ATP2C2: variants seen among roughly 807,000 people sequenced by gnomAD.
ATP2C2 encodes the protein calcium-transporting ATPase type 2C member 2.
A neutral mutation model predicts 110.8 loss-of-function variants in ATP2C2; 171 were observed. The observed-to-expected ratio is 1.54, with a 90% CI of 1.36 to 1.75. ATP2C2 has a LOEUF of 1.75. Ranked by LOEUF, ATP2C2 falls within the 40% of genes most tolerant of loss-of-function variation. ATP2C2 has a pLI of 0.00. For synonymous variants in ATP2C2, 804 were observed against 508.4 expected (o/e 1.58, Z -7.82); for missense variants, 1,963 against 1,235.0 (o/e 1.59, Z -8.84).
chr16:84,451,600 G>C (rs576815677), intron 17 of ATP2C2, among the ~76,000 whole-genome samples: 9 of 152,328 alleles, frequency 5.9e-5, no homozygotes, highest in Admixed American at 5.9e-4. Flanking sequence ...CACTTGGGGA[G>C]GCTGAGGTGG....
chr16:84,435,932 C>T (rs1392714831), intron 11 of ATP2C2, among the ~76,000 whole-genome samples: 3 of 152,204 alleles, frequency 2.0e-5, no homozygotes, highest in Non-Finnish European at 4.4e-5. Flanking sequence ...AGTTCAAGAC[C>T]AGCCTGGCCA....
chr16:84,455,117 CGTCA>C, intron 21 of ATP2C2, 133 bp downstream of exon 21: 1 of 1,212,184 alleles, frequency 8.2e-7, no homozygotes. Flanking sequence ...TCTCGGGGCT[CGTCA>C]GTGTGGCAGG....
At chr16:84,450,729 G>A (rs1382647163) in intron 17 of ATP2C2, among the ~76,000 whole-genome samples, 1 of 152,090 alleles carries the variant, frequency 6.6e-6, no homozygotes, top group Non-Finnish European at 1.5e-5. Context: ...GGCAGGAGCT[G>A]GGCCTGGCTT....
chr16:84,401,827 C>A (rs148719251), intron 2 of ATP2C2, among the ~76,000 whole-genome samples: 1 of 152,064 alleles, frequency 6.6e-6, no homozygotes, highest in Admixed American at 6.5e-5. Context: ...TTTTGTGGTT[C>A]CATATAAATT....
intron 1 of ATP2C2, among the ~76,000 whole-genome samples, chr16:84,375,267 C>T (rs528404710): frequency 5.3e-5 from 8 of 152,290 alleles, no homozygotes; most frequent in South Asian, 2.1e-4. Context: ...CACGGCCCGG[C>T]GCAGTGGGTC....
At chr16:84,378,866 G>A (rs975015743) in intron 1 of ATP2C2, among the ~76,000 whole-genome samples, 5 of 152,320 alleles carry the variant, frequency 3.3e-5, no homozygotes, top group Non-Finnish European at 7.3e-5. Context: ...TCACCGTCGC[G>A]AGGTCCCTGG....
At chr16:84,425,836 G>GA in intron 11 of ATP2C2, 35 bp downstream of exon 11, 2 of 1,605,344 alleles carry the variant, frequency 1.2e-6, no homozygotes, top group Non-Finnish European at 1.7e-6. Flanking sequence ...GCCTTGCCAG[G>GA]GTGGTCAATG....
chr16:84,442,621 C>G (rs1182255381), intron 15 of ATP2C2, 22 bp downstream of exon 15: 1 of 1,609,674 alleles, frequency 6.2e-7, no homozygotes, highest in Non-Finnish European at 8.5e-7. Flanking sequence ...TGGGGTGGCT[C>G]TGCGGGGAAT....
At chr16:84,444,815 C>G (rs1434389442) in intron 15 of ATP2C2, among the ~76,000 whole-genome samples, 3 of 152,210 alleles carry the variant, frequency 2.0e-5, no homozygotes, top group Non-Finnish European at 4.4e-5. Context: ...CAAACACTGG[C>G]TGGCATGTAG....
intron 11 of ATP2C2, among the ~76,000 whole-genome samples, chr16:84,428,172 G>A (rs1907956746): frequency 6.6e-6 from 1 of 152,216 alleles, no homozygotes; most frequent in Admixed American, 6.5e-5. Flanking sequence ...GCCAGTGTGG[G>A]CAAGAGAATC....
chr16:84,414,037 C>A (rs1027680242), intron 6 of ATP2C2, among the ~76,000 whole-genome samples: 1 of 152,148 alleles, frequency 6.6e-6, no homozygotes, highest in Non-Finnish European at 1.5e-5. Flanking sequence ...AAATAAAAAA[C>A]CCCACTGAGA....
At chr16:84,413,922 C>A (rs552671022) in intron 6 of ATP2C2, among the ~76,000 whole-genome samples, 1 of 152,222 alleles carries the variant, frequency 6.6e-6, no homozygotes, top group South Asian at 2.1e-4. Flanking sequence ...CTTTGGGGAC[C>A]TCACATTCCT....
chr16:84,443,280 G>A (rs972475116), intron 15 of ATP2C2, among the ~76,000 whole-genome samples: 4 of 152,272 alleles, frequency 2.6e-5, no homozygotes, highest in Admixed American at 6.5e-5. Context: ...AGGTGGCCCC[G>A]GTCAGCTCCC....
rs557368895 is a variant in ATP2C2, at chr16:84,380,961, A to G, written c.99+12247A>G. 4.6e-5 allele frequency among the ~76,000 whole-genome samples: 7 copies of G among 152,230 alleles called. No individual in the cohort carries two copies. In the East Asian group the frequency reaches 1.4e-3, roughly 29 times the overall value. ...TTTGAGAGGCCGAGGCGGGCGGATC[A>G]TGAGGTCAGGAGTTTGAGATCAGCC... On this transcript the variant is annotated intron_variant, in intron 1 of 26. Transcript: ENST00000262429.
At position 84,460,904 on chromosome 16, in the gene ATP2C2, CAAACATGTACACACACCGGACAAT is replaced by C. The variant is rs1296045967; in HGVS notation, c.2481+104_2481+127del. On this transcript the variant is annotated intron_variant, in intron 24 of 26. Coordinates refer to ENST00000262429, the MANE Select transcript of ATP2C2 (RefSeq NM_014861.4). ...TGCCACAGCTCACATCTGGGAGAGG[CAAACATGTACACACACCGGACAAT>C]GTGATGCCATCAGAGGCGTGGGGTG... 9.2e-6 allele frequency: 13 copies of C among 1,413,570 alleles called. No homozygotes were observed. In the East Asian group the frequency reaches 3.0e-4, roughly 32 times the overall value. The allele number at this position is 1,413,570 out of a possible 1,614,324, so 87.6% of individuals were successfully genotyped here.
chr16:84,409,453 A>C (rs1555556450), intron 4 of ATP2C2, among the ~76,000 whole-genome samples: 1 of 151,482 alleles, frequency 6.6e-6, no homozygotes, highest in Non-Finnish European at 1.5e-5. Flanking sequence ...GTATAACAAG[A>C]AAAAAAAATG....
rs200577489 is a variant in ATP2C2, at chr16:84,441,018, T to G, written c.1311+60T>G. Reference sequence around the variant, plus strand: ...TTTACATTGAGGCTTCTGGGGCTCCTCTCTGAAAAGGGAAACAGCCATTGA... The same window carrying G: ...TTTACATTGAGGCTTCTGGGGCTCCGCTCTGAAAAGGGAAACAGCCATTGA... On this transcript the variant is annotated intron_variant, in intron 14 of 26. Transcript: ENST00000262429. 15 of 1,381,346 alleles carry G rather than the reference T, an allele frequency of 1.1e-5. No individual in the cohort carries two copies. In the East Asian group the frequency reaches 3.5e-4, roughly 32 times the overall value. The allele number at this position is 1,381,346 out of a possible 1,614,324, so 85.6% of individuals were successfully genotyped here. A position where few individuals can be genotyped will look rare whatever the true frequency, so the allele number is the denominator to read the frequency against.
intron 1 of ATP2C2, among the ~76,000 whole-genome samples, chr16:84,387,996 C>T (rs867008677): frequency 1.3e-5 from 2 of 151,598 alleles, no homozygotes; most frequent in East Asian, 1.9e-4. Context: ...CTGCTGGTCT[C>T]GGGTGAGCCC....
intron 1 of ATP2C2, among the ~76,000 whole-genome samples, chr16:84,388,034 G>A: frequency 6.6e-6 from 1 of 151,892 alleles, no homozygotes; most frequent in East Asian, 1.9e-4. Flanking sequence ...GTAAGAACCA[G>A]CAGCAACTTT....
Sources: allele counts gnomAD v4.1 joint callset (sites outside exome capture counted in the v4.1 genomes callset), GRCh38; gene constraint gnomAD v4.1.1; transcripts MANE v1.5; gene names NCBI Gene and HGNC (gene_info 2026-07-23, HGNC 2026-07-21).